Variants in MYH6 observed in about 807,000 individuals in gnomAD.
MYH6 encodes myosin-6.
A neutral mutation model predicts 223.2 loss-of-function variants in MYH6; 126 were observed. The ratio of observed to expected loss-of-function variants is 0.56; its 90% confidence interval spans 0.49 to 0.65. MYH6 has a LOEUF of 0.65. MYH6 is among the 30% of genes least tolerant of loss of function. MYH6 has a pLI of 0.00. For missense variants in MYH6, 2,040 were observed against 2,536.4 expected (o/e 0.80, Z 4.20); for synonymous variants, 978 against 1,010.2 (o/e 0.97, Z 0.61).
chr14:23,386,230 A>C, intron 33 of MYH6, 85 bp downstream of exon 33: 1 of 1,612,800 alleles, frequency 6.2e-7, no homozygotes, highest in Non-Finnish European at 8.5e-7. Flanking sequence ...GGGCAGGAGG[A>C]ATCTGGTGCC....
Position 23,387,560 on chromosome 14 carries a change from A to G in MYH6, c.4619T>C (p.Leu1540Pro). 6.2e-7 allele frequency: 1 copy of G among 1,614,042 alleles called. No individual in the cohort carries two copies. Among genetic ancestry groups the G allele is most frequent in the South Asian group, 1.1e-5 (1 of 91,076 alleles). ...CTCCTCCAGGGCTGACTGCAGCTCCAGCTTCTCCACCTCCAGCTGTTTGCG... is the reference window on the plus strand; with the variant it reads ...CTCCTCCAGGGCTGACTGCAGCTCCGGCTTCTCCACCTCCAGCTGTTTGCG... ...KVRKQLEVEK[L>P]ELQSALEEAE... Residue 1540 changes from leucine to proline, a missense_variant, in exon 32 of 39, where the codon CTG (leucine) becomes CCG (proline). Around this residue, in one of 4 missense-constraint regions of MYH6, gnomAD observed 1,203 missense variants for 1,400.2 expected, o/e 0.86. Transcript: ENST00000405093.
intron 18 of MYH6, 54 bp from the exon 19 acceptor site, chr14:23,396,871 C>G: frequency 6.2e-7 from 1 of 1,613,064 alleles, no homozygotes; most frequent in Non-Finnish European, 8.5e-7. Context: ...CTGCTCTGCC[C>G]ACAGAATTCC....
chr14:23,403,591 T>A (rs1227898261), intron 9 of MYH6, 124 bp downstream of exon 9: 1 of 1,189,726 alleles, frequency 8.4e-7, no homozygotes, highest in African/African-American at 1.5e-5. Flanking sequence ...ATAAAAAGGA[T>A]CCTAAAGCCC....
chr14:23,387,387 A>C, intron 32 of MYH6, 142 bp downstream of exon 32: 2 of 1,303,924 alleles, frequency 1.5e-6, no homozygotes, highest in Non-Finnish European at 2.2e-6. Flanking sequence ...AGTCATGGGT[A>C]GTGAATAGTG....
At chr14:23,384,142 G>C (rs540436136) in intron 36 of MYH6, among the ~76,000 whole-genome samples, 6 of 151,268 alleles carry the variant, frequency 4.0e-5, no homozygotes, top group Admixed American at 2.6e-4. Flanking sequence ...AAGGTGGAAG[G>C]ATTCTTTGAA....
chr14:23,399,841 G>A (rs778914101), intron 14 of MYH6: 26 of 281,454 alleles, frequency 9.2e-5, no homozygotes, highest in Non-Finnish European at 1.7e-4. Context: ...CCTCCCGCCT[G>A]CGGCCTTGTC....
chr14:23,407,327 CG>C lies in MYH6; in HGVS notation c.-13-92del. On this transcript the variant is annotated intron_variant, in intron 2 of 38. Coordinates refer to ENST00000405093, the MANE Select transcript of MYH6 (RefSeq NM_002471.4). This position sits in a 1 kb window ranked among gnomAD's most constrained non-coding sequence, Gnocchi z 5.6. ...CCTCTGCAGCCCCCCTCCCTACCCC[CG>C]CTCCTCTCCTCCACCCTGGGAGAGG... 1.4e-6 allele frequency: 2 copies of C among 1,457,016 alleles called. No homozygotes were observed. Among genetic ancestry groups the C allele is most frequent in the Non-Finnish European group, 9.5e-7 (1 of 1,053,678 alleles). The allele number at this position is 1,457,016 out of a possible 1,614,324, so 90.3% of individuals were successfully genotyped here.
rs1205388552 is a variant in MYH6, at chr14:23,407,618, G to A, written c.-46-10C>T. 8.7e-7 allele frequency: 1 copy of A among 1,145,018 alleles called. No homozygotes were observed. Among genetic ancestry groups the A allele is most frequent in the Non-Finnish European group, 1.1e-6 (1 of 922,846 alleles). The allele number at this position is 1,145,018 out of a possible 1,614,324, so 70.9% of individuals were successfully genotyped here. A position where few individuals can be genotyped will look rare whatever the true frequency, so the allele number is the denominator to read the frequency against. Reference sequence around the variant, plus strand: ...GAGAATCCTGAAGAATCTGGACCGTGGGTGGAGCAAGGAACAACAGAGGTA... The same window carrying A: ...GAGAATCCTGAAGAATCTGGACCGTAGGTGGAGCAAGGAACAACAGAGGTA... On this transcript the variant is annotated splice_polypyrimidine_tract_variant and intron_variant, in intron 1 of 38. Transcript: ENST00000405093. The surrounding 1 kb of genome is among the most constrained non-coding windows in gnomAD (Gnocchi z 5.6).
Position 23,397,060 on chromosome 14 carries a change from C to T in MYH6, c.2071G>A (p.Val691Ile), listed in dbSNP as rs148915045. The change falls in exon 18 of 39, where the codon GTC becomes ATC. Residue 691 changes from valine (V) to isoleucine (I), a missense_variant. Physicochemically the swap from Val to Ile is conservative, Grantham distance 29 (BLOSUM62 3). Transcript: ENST00000405093. The stretch of plus-strand genomic sequence containing the variant: ...CCATTGCAGCGCAGCTGGTGCATGA[C>T]CAGGGGGTTGTCCATCACCCCTGTG... ...KAPGVMDNPLVMHQLRCNGVL... is the reference protein window; with the variant it reads ...KAPGVMDNPLIMHQLRCNGVL... 700 of 1,614,194 alleles carry T rather than the reference C, an allele frequency of 4.3e-4. 2 individuals are homozygous for T. In the African/African-American group the frequency reaches 8.4e-3, roughly 19 times the overall value.
Position 23,405,482 on chromosome 14 carries a change from C to A in MYH6, c.346-103G>T. The A allele has an allele frequency of 6.2e-7, 1 of 1,600,374 alleles. No individual in the cohort carries two copies. Among genetic ancestry groups the A allele is most frequent in the East Asian group, 2.2e-5 (1 of 44,680 alleles). ...CCTGTTCACTCCAGCTGGCTCTACT[C>A]CTCCTGCAGCTGACTAGGGGTGGAG... On this transcript the variant is annotated intron_variant, in intron 4 of 38. Coordinates refer to ENST00000405093, the MANE Select transcript of MYH6 (RefSeq NM_002471.4). The surrounding 1 kb of genome is among the most constrained non-coding windows in gnomAD (Gnocchi z 4.7).
chr14:23,389,760 T>C (rs1387214430), intron 26 of MYH6, 41 bp from the exon 27 acceptor site: 3 of 1,613,878 alleles, frequency 1.9e-6, no homozygotes, highest in Non-Finnish European at 2.5e-6. Flanking sequence ...TGGGAGGGGC[T>C]GAGTCGACCA....
In MYH6 at chr14:23,388,165, T is replaced by G. The variant is rs1005724382; in HGVS notation, c.4349A>C (p.Asn1450Thr). 8.7e-6 allele frequency: 14 copies of G among 1,612,144 alleles called. No homozygotes were observed. Among genetic ancestry groups the G allele is most frequent in the Non-Finnish European group, 1.1e-5 (13 of 1,180,032 alleles). Reference protein sequence around the residue: ...AAAALDKKQRNFDKILAEWKQ... With the variant: ...AAAALDKKQRTFDKILAEWKQ... ...CCGCCCATGGTCCACCTTGTCAAAG[T>G]TTCTCTGCTTCTTGTCCAGGGCTGC... is the stretch of plus-strand genomic sequence containing the variant. The change falls in exon 30 of 39, where the codon AAC becomes ACC. Residue 1450 changes from asparagine to threonine, a missense_variant. Asn to Thr is a moderately conservative substitution (Grantham distance 65). Coordinates refer to ENST00000405093, the MANE Select transcript of MYH6 (RefSeq NM_002471.4).
chr14:23,396,501 G>A (rs1224999295), intron 19 of MYH6, 81 bp from the exon 20 acceptor site: 5 of 1,586,166 alleles, frequency 3.2e-6, no homozygotes, highest in Non-Finnish European at 4.3e-6. Flanking sequence ...GAGCTCCCAG[G>A]TGACCCATCA....
At position 23,394,181 on chromosome 14, in the gene MYH6, A is replaced by C. The variant is rs2138599736; in HGVS notation, c.2572T>G (p.Phe858Val). ...TCCAGCGTCTCTTTGATGCGCCCGA[A>C]CTCTTCCTTCATGGTGGCCATCTCC... is the stretch of plus-strand genomic sequence containing the variant. ...EKEMATMKEE[F>V]GRIKETLEKS... Residue 858 changes from phenylalanine (F) to valine (V), a missense_variant, in exon 21 of 39, where the codon TTC becomes GTC. Phe to Val is a conservative substitution (Grantham distance 50). Coordinates refer to ENST00000405093, the MANE Select transcript of MYH6 (RefSeq NM_002471.4). 2 of 1,613,744 alleles carry C rather than the reference A, an allele frequency of 1.2e-6. No individual in the cohort carries two copies. The highest frequency in any genetic ancestry group is 1.7e-6 in the Non-Finnish European group (2 of 1,179,890).
chr14:23,386,231 A>G, intron 33 of MYH6, 84 bp downstream of exon 33: 1 of 1,612,782 alleles, frequency 6.2e-7, no homozygotes, highest in Non-Finnish European at 8.5e-7. Context: ...GGCAGGAGGA[A>G]TCTGGTGCCT....
In MYH6 at chr14:23,407,575, C is replaced by G. The variant is rs907565383; in HGVS notation, c.-14+1G>C. On this transcript the variant is annotated splice_donor_variant, in intron 2 of 38. Coordinates refer to ENST00000405093, the MANE Select transcript of MYH6 (RefSeq NM_002471.4). LOFTEE classifies it low-confidence loss of function (5UTR_SPLICE). The surrounding 1 kb of genome is among the most constrained non-coding windows in gnomAD (Gnocchi z 5.6). ...GCAGAGAAAATGGGGGCAGTTCTCA[C>G]CTGGTTATCCCTTCACGGAGAATCC... 4.1e-6 allele frequency: 5 copies of G among 1,206,984 alleles called. No individual in the cohort carries two copies. The highest frequency in any genetic ancestry group is 5.2e-6 in the Non-Finnish European group (5 of 958,256). The allele number at this position is 1,206,984 out of a possible 1,614,324, so 74.8% of individuals were successfully genotyped here. A position where few individuals can be genotyped will look rare whatever the true frequency, so the allele number is the denominator to read the frequency against.
intron 33 of MYH6, 88 bp from the exon 34 acceptor site, chr14:23,386,219 G>A (rs2138584621): frequency 1.2e-6 from 2 of 1,612,682 alleles, no homozygotes; most frequent in African/African-American, 1.3e-5. Flanking sequence ...CAGTAACCCA[G>A]GGGCAGGAGG....
rs1304539700 is a variant in MYH6 at position 23,396,854 on chromosome 14, C to T, written c.2169-37G>A. On this transcript the variant is annotated intron_variant, in intron 18 of 38. Transcript: ENST00000405093. ...AGTGTCCAGAGTCACCCATGCTCTG[C>T]AGTGATCTGCTCTGCCCACAGAATT... 13 of 1,613,514 alleles carry T rather than the reference C, an allele frequency of 8.1e-6. No individual in the cohort carries two copies. The South Asian group carries it at 1.4e-4, about 18-fold the overall frequency.
In MYH6 at chr14:23,402,727, A is replaced by G. The variant is rs756529284; in HGVS notation, c.972T>C (p.Ile324=). 5 of 1,613,462 alleles carry G rather than the reference A, an allele frequency of 3.1e-6. No homozygotes were observed. The South Asian group carries it at 5.5e-5, about 18-fold the overall frequency. ...VSQGEVSVAS[I]DDSEELMATD... is the part of the protein sequence containing the mutation. Reference sequence around the variant, plus strand: ...TGGCCATGAGCTCCTCGGAGTCATCAATGGAGGCCACGGACACCTCTCCCT... The same window carrying G: ...TGGCCATGAGCTCCTCGGAGTCATCGATGGAGGCCACGGACACCTCTCCCT... The change falls in exon 11 of 39, where the codon ATT becomes ATC. Residue 324 remains isoleucine (I), a synonymous_variant. Coordinates refer to ENST00000405093, the MANE Select transcript of MYH6 (RefSeq NM_002471.4).
Sources: gnomAD v4.1 joint callset for allele counts (sites outside exome capture counted in the v4.1 genomes callset) on GRCh38, gnomAD v4.1.1 for gene constraint, gnomAD v4.1.1 regional missense constraint, Gnocchi (gnomAD v3.1) non-coding constraint, MANE v1.5 for transcripts, NCBI Gene and HGNC (gene_info 2026-07-23, HGNC 2026-07-21) for gene names.